NAALADL2: variants seen among roughly 807,000 people sequenced by gnomAD.
NAALADL2 encodes the protein inactive N-acetylated-alpha-linked acidic dipeptidase-like protein 2.
NAALADL2 carries 76 observed loss-of-function variants against 87.2 expected under a neutral mutation model. That is an observed-to-expected ratio of 0.87 (90% CI 0.72 to 1.05). NAALADL2 has a LOEUF of 1.05. Ranked by LOEUF, NAALADL2 falls within the 50% of genes least tolerant of loss-of-function variation. The pLI, the probability that NAALADL2 is intolerant of heterozygous loss-of-function variation, is 0.00. For synonymous variants in NAALADL2, 354 were observed against 331.0 expected, an observed-to-expected ratio of 1.07 and a Z score of -0.75; for missense variants, 1,089 against 945.8, an observed-to-expected ratio of 1.15 and a Z score of -1.99.
chr3:174,673,534 T>C (rs1051742935), intron 2 of NAALADL2, among the ~76,000 whole-genome samples: 2 of 151,064 alleles, frequency 1.3e-5, no homozygotes, highest in African/African-American at 4.9e-5. Flanking sequence ...TTAAGTGAAA[T>C]AAGCCAGGCA....
At chr3:174,794,887 C>T (rs1013630718) in intron 3 of NAALADL2, among the ~76,000 whole-genome samples, 27 of 148,096 alleles carry the variant, frequency 1.8e-4, no homozygotes, top group African/African-American at 6.2e-4. Context: ...ATTTGCATCA[C>T]GGAAAAGTTA....
intron 1 of NAALADL2, among the ~76,000 whole-genome samples, chr3:174,503,911 T>C (rs1719051159): frequency 6.6e-6 from 1 of 152,134 alleles, no homozygotes; most frequent in African/African-American, 2.4e-5. Context: ...AGAAAATGAA[T>C]ATATTCGATA....
At chr3:174,971,724 G>A (rs1412578061) in intron 1 of NAALADL2, among the ~76,000 whole-genome samples, 1 of 151,416 alleles carries the variant, frequency 6.6e-6, no homozygotes, top group Non-Finnish European at 1.5e-5. Context: ...TTGAGACGGA[G>A]TCTCGCTCTT....
intron 3 of NAALADL2, among the ~76,000 whole-genome samples, chr3:174,774,188 T>C (rs1239442594): frequency 6.6e-6 from 1 of 152,176 alleles, no homozygotes; most frequent in African/African-American, 2.4e-5. Context: ...TTATAACCAA[T>C]AGATACTACC....
chr3:175,413,009 C>G lies in NAALADL2; in HGVS notation c.1091-34220C>G, dbSNP rs539420700. Among the ~76,000 whole-genome samples, 23 of 149,820 alleles carry G rather than the reference C, an allele frequency of 1.5e-4. No homozygotes were observed. In the South Asian group the frequency reaches 3.2e-3, roughly 21 times the overall value. On this transcript the variant is annotated intron_variant, in intron 5 of 13. Coordinates refer to ENST00000454872, the MANE Select transcript of NAALADL2 (RefSeq NM_207015.3). ...TCTGGGCTCACCTCAAGCTCCGCCT[C>G]CCGGGTTCATGCCATTCTCCTGCCT... is the stretch of plus-strand genomic sequence containing the variant.
intron 5 of NAALADL2, among the ~76,000 whole-genome samples, chr3:175,375,642 T>A (rs1767041403): frequency 6.6e-6 from 1 of 152,178 alleles, no homozygotes; most frequent in Admixed American, 6.5e-5. Flanking sequence ...TCCATCCTTT[T>A]AACCAATCTG....
intron 2 of NAALADL2, among the ~76,000 whole-genome samples, chr3:175,147,592 G>T (rs886738182): frequency 1.5e-3 from 4 of 2,700 alleles, no homozygotes; most frequent in Admixed American, 0.013. Context: ...TTTATTTTTG[G>T]GGGGGGTATA....
chr3:174,934,905 G>A (rs1328097604), intron 1 of NAALADL2, among the ~76,000 whole-genome samples: 1 of 151,524 alleles, frequency 6.6e-6, no homozygotes, highest in South Asian at 2.1e-4. Context: ...GTGGAGCACC[G>A]AGAGGGTTTG....
chr3:174,601,772 G>A (rs1299142002), intron 2 of NAALADL2, among the ~76,000 whole-genome samples: 1 of 152,100 alleles, frequency 6.6e-6, no homozygotes, highest in Non-Finnish European at 1.5e-5. Context: ...TAGTTTCTTA[G>A]ATTGAAGTCT....
At chr3:175,060,002 C>T in intron 1 of NAALADL2, 1 of 426,740 alleles carries the variant, frequency 2.3e-6, no homozygotes, top group Non-Finnish European at 4.7e-6. Context: ...TGGAGGCCAG[C>T]AGGGCTTTTC....
At chr3:174,887,917 A>G (rs1023872286) in intron 1 of NAALADL2, among the ~76,000 whole-genome samples, 1 of 152,108 alleles carries the variant, frequency 6.6e-6, no homozygotes, top group Non-Finnish European at 1.5e-5. Context: ...AAGATAGACA[A>G]TAAATAAAAA....
At chr3:175,409,950 G>A (rs1289209339) in intron 5 of NAALADL2, among the ~76,000 whole-genome samples, 1 of 152,002 alleles carries the variant, frequency 6.6e-6, no homozygotes, top group African/African-American at 2.4e-5. Context: ...CTGAAATATG[G>A]AAGGTTAATG....
intron 11 of NAALADL2, among the ~76,000 whole-genome samples, chr3:175,692,465 AGATT>A (rs773543054): frequency 1.6e-4 from 24 of 152,128 alleles, no homozygotes; most frequent in Non-Finnish European, 3.2e-4. Flanking sequence ...GAGTTTCCAC[AGATT>A]GATCTTACAC....
intron 2 of NAALADL2, among the ~76,000 whole-genome samples, chr3:174,592,876 A>G (rs529521559): frequency 7.2e-5 from 11 of 151,830 alleles, no homozygotes; most frequent in Non-Finnish European, 1.5e-4. Context: ...TAATGTGTTG[A>G]AGTTTGACTT....
intron 2 of NAALADL2, among the ~76,000 whole-genome samples, chr3:174,636,783 T>C (rs576643669): frequency 1.1e-4 from 17 of 152,080 alleles, no homozygotes; most frequent in African/African-American, 3.9e-4. Context: ...TAACTAAAAA[T>C]AGAACGATCA....
intron 1 of NAALADL2, among the ~76,000 whole-genome samples, chr3:174,867,758 G>A (rs1251994798): frequency 6.6e-6 from 1 of 151,932 alleles, no homozygotes; most frequent in Non-Finnish European, 1.5e-5. Flanking sequence ...AGAACCATTG[G>A]CAAATAAAAA....
At chr3:175,491,026 T>C (rs1727995538) in intron 9 of NAALADL2, among the ~76,000 whole-genome samples, 1 of 152,076 alleles carries the variant, frequency 6.6e-6, no homozygotes, top group Admixed American at 6.6e-5. Flanking sequence ...ATAGAGACTT[T>C]TTTTAAAACA....
intron 1 of NAALADL2, among the ~76,000 whole-genome samples, chr3:174,496,943 T>G (rs1718581413): frequency 6.6e-6 from 1 of 152,202 alleles, no homozygotes; most frequent in Non-Finnish European, 1.5e-5. Flanking sequence ...GCCAGCATCC[T>G]GATACCTTCT....
intron 1 of NAALADL2, among the ~76,000 whole-genome samples, chr3:174,902,030 G>A (rs1188851052): frequency 6.6e-6 from 1 of 151,986 alleles, no homozygotes; most frequent in Non-Finnish European, 1.5e-5. Flanking sequence ...ATATATACAC[G>A]ACTTACGTGG....
Sources: gnomAD v4.1 joint callset for allele counts (sites outside exome capture counted in the v4.1 genomes callset) on GRCh38, gnomAD v4.1.1 for gene constraint, MANE v1.5 for transcripts, NCBI Gene and HGNC (gene_info 2026-07-23, HGNC 2026-07-21) for gene names.